Variants in DAB1 observed in about 807,000 individuals in gnomAD.
DAB1 encodes the protein disabled homolog 1.
Under a neutral mutation model 64.6 loss-of-function variants are expected in DAB1, and 15 were observed. The observed-to-expected ratio is 0.23, with a 90% CI of 0.16 to 0.36. The LOEUF is 0.36. Among genes scored for constraint, DAB1 ranks in the 10% least tolerant of loss-of-function variants. The pLI is 1.00. For missense variants in DAB1, 596 were observed against 706.7 expected, an observed-to-expected ratio of 0.84 and a Z score of 1.78; for synonymous variants, 235 against 251.9, an observed-to-expected ratio of 0.93 and a Z score of 0.64.
intron 4 of DAB1, among the ~76,000 whole-genome samples, chr1:58,154,576 T>A (rs74075933): frequency 6.6e-6 from 1 of 151,952 alleles, no homozygotes; most frequent in Non-Finnish European, 1.5e-5. Flanking sequence ...GATATATATA[T>A]ACAGGGCTCT....
At chr1:57,305,585 A>G (rs565531400) in intron 1 of DAB1, among the ~76,000 whole-genome samples, 1 of 152,326 alleles carries the variant, frequency 6.6e-6, no homozygotes, top group South Asian at 2.1e-4. Flanking sequence ...AGAATTTCCT[A>G]TCACAGCCTA....
chr1:57,267,699 C>T (rs1670692420), intron 2 of DAB1, among the ~76,000 whole-genome samples: 1 of 152,142 alleles, frequency 6.6e-6, no homozygotes, highest in South Asian at 2.1e-4. Flanking sequence ...GGTCATTGCA[C>T]TACACGGTAG....
At chr1:57,042,860 TAC>T (rs539308197) in intron 9 of DAB1, among the ~76,000 whole-genome samples, 57 of 150,002 alleles carry the variant, frequency 3.8e-4, no homozygotes, top group African/African-American at 1.3e-3. Context: ...CACACATACA[TAC>T]ACACACACAC....
chr1:57,102,896 C>T (rs1390238939), intron 4 of DAB1, among the ~76,000 whole-genome samples: 4 of 152,140 alleles, frequency 2.6e-5, no homozygotes, highest in Non-Finnish European at 5.9e-5. Context: ...TGCATCGTGC[C>T]AGGCCCAAGG....
chr1:58,119,225 C>CGTGTGT (rs35994489), intron 5 of DAB1, among the ~76,000 whole-genome samples: 14 of 146,990 alleles, frequency 9.5e-5, no homozygotes, highest in South Asian at 4.4e-4. Context: ...TGTGTGTGTG[C>CGTGTGT]GTGTGTGTGT....
intron 6 of DAB1, among the ~76,000 whole-genome samples, chr1:57,672,901 G>A (rs1448122398): frequency 6.6e-6 from 1 of 152,158 alleles, no homozygotes; most frequent in Non-Finnish European, 1.5e-5. Flanking sequence ...GCAAAGATGT[G>A]AAGACTTAAT....
chr1:57,555,767 C>T (rs1486082354), intron 7 of DAB1, among the ~76,000 whole-genome samples: 2 of 152,134 alleles, frequency 1.3e-5, no homozygotes, highest in Non-Finnish European at 2.9e-5. Flanking sequence ...AAACTTAGTG[C>T]CATTTTCAGT....
At chr1:57,910,492 C>T (rs1644625805) in intron 5 of DAB1, among the ~76,000 whole-genome samples, 1 of 152,048 alleles carries the variant, frequency 6.6e-6, no homozygotes, top group South Asian at 2.1e-4. Context: ...TTTTTTTCCA[C>T]TTTCTATTTT....
At chr1:57,280,176 G>A (rs947869885) in intron 2 of DAB1, among the ~76,000 whole-genome samples, 1 of 152,122 alleles carries the variant, frequency 6.6e-6, no homozygotes, top group Non-Finnish European at 1.5e-5. Context: ...GAGAATACTT[G>A]TCTAAAGGCT....
intron 7 of DAB1, among the ~76,000 whole-genome samples, chr1:57,577,548 A>G (rs1278841456): frequency 2.6e-5 from 4 of 152,194 alleles, no homozygotes; most frequent in African/African-American, 9.6e-5. Context: ...TGTGGTAGGT[A>G]TTGTTACTCC....
At chr1:57,742,202 A>G (rs1234766427) in intron 6 of DAB1, among the ~76,000 whole-genome samples, 2 of 152,196 alleles carry the variant, frequency 1.3e-5, no homozygotes, top group East Asian at 3.9e-4. Flanking sequence ...ACATTAGCCT[A>G]GGAAAGGCCT....
chr1:57,881,836 C>T (rs1334749190), intron 1 of DAB1, among the ~76,000 whole-genome samples: 2 of 152,098 alleles, frequency 1.3e-5, no homozygotes, highest in Non-Finnish European at 2.9e-5. Flanking sequence ...TGCTCATCAC[C>T]ACAATATTTT....
At chr1:57,566,818 C>T (rs190095085) in intron 7 of DAB1, among the ~76,000 whole-genome samples, 18 of 152,194 alleles carry the variant, frequency 1.2e-4, no homozygotes, top group Admixed American at 4.6e-4. Flanking sequence ...CAGGACCAGA[C>T]GAATTCACAG....
intron 4 of DAB1, among the ~76,000 whole-genome samples, chr1:58,254,385 TTTTTTTTCTA>T (rs1019045319): frequency 8.5e-6 from 1 of 117,076 alleles, no homozygotes; most frequent in Non-Finnish European, 1.7e-5. Context: ...ATTTATTTAT[TTTTTTTTCTA>T]TTTTTTTTTT....
intron 7 of DAB1, among the ~76,000 whole-genome samples, chr1:57,478,037 T>C (rs1643960852): frequency 1.3e-5 from 2 of 151,708 alleles, no homozygotes; most frequent in African/African-American, 2.4e-5. Context: ...TCTCTCCTAA[T>C]GCTATCCCTC....
chr1:58,073,710 G>A (rs1649418131), intron 5 of DAB1, among the ~76,000 whole-genome samples: 1 of 152,206 alleles, frequency 6.6e-6, no homozygotes, highest in Non-Finnish European at 1.5e-5. Flanking sequence ...AATTTGGAAT[G>A]GGGATGGGGC....
intron 4 of DAB1, among the ~76,000 whole-genome samples, chr1:57,109,996 GC>G (rs2100719822): frequency 6.6e-6 from 1 of 152,224 alleles, no homozygotes; most frequent in Non-Finnish European, 1.5e-5. Context: ...ACAGGACAAG[GC>G]CTGAGATTAC....
chr1:56,997,430 C>G lies in DAB1; in HGVS notation c.*714G>C, dbSNP rs186238662. 220 of 152,316 alleles carry G rather than the reference C, an allele frequency of 1.4e-3. No homozygotes were observed. The highest frequency in any genetic ancestry group is 5.1e-3 in the African/African-American group (210 of 41,574). 9.4% of individuals were successfully genotyped at this position (152,316 alleles called of 1,614,324 possible). On this transcript the variant is annotated 3_prime_UTR_variant, in exon 15 of 15. Transcript: ENST00000371236. The stretch of plus-strand genomic sequence containing the variant: ...CGTGATCATAATGAATAATCAACCA[C>G]TTATTTGTCTTGTAATTTCAAGTTA...
intron 5 of DAB1, among the ~76,000 whole-genome samples, chr1:57,986,654 G>A (rs1328366576): frequency 6.6e-6 from 1 of 152,078 alleles, no homozygotes; most frequent in African/African-American, 2.4e-5. Flanking sequence ...AATTCAGGAA[G>A]TCCTTTGGTT....
Sources: allele counts gnomAD v4.1 joint callset (sites outside exome capture counted in the v4.1 genomes callset), GRCh38; gene constraint gnomAD v4.1.1; transcripts MANE v1.5; gene names NCBI Gene and HGNC (gene_info 2026-07-23, HGNC 2026-07-21).